WDR13: variants seen among roughly 807,000 people sequenced by gnomAD.
WDR13 encodes WD repeat domain 13.
A neutral mutation model predicts 28.6 loss-of-function variants in WDR13; 1 was observed. The ratio of observed to expected loss-of-function variants is 0.03; its 90% confidence interval spans 0.01 to 0.17. WDR13 has a LOEUF of 0.17. Among genes scored for constraint, WDR13 ranks in the 10% least tolerant of loss-of-function variants. The pLI is 1.00. For missense variants in WDR13, 264 were observed against 469.3 expected (o/e 0.56, Z 4.04); for synonymous variants, 201 against 185.9 (o/e 1.08, Z -0.66).
rs1303125290 is a variant in WDR13 at position 48,605,225 on chromosome X, G to A, written c.*193G>A. The A allele has an allele frequency of 1.5e-5, 7 of 463,357 alleles. No individual in the cohort carries two copies. In the East Asian group the frequency reaches 1.9e-4, roughly 12 times the overall value. The allele number at this position is 463,357 out of a possible 1,213,427, so 38.2% of individuals were successfully genotyped here. ...TGACTCATTTGTGCATTCATGCATCGACGGATTCATTCATTCCACAAGCAT... is the reference window on the plus strand; with the variant it reads ...TGACTCATTTGTGCATTCATGCATCAACGGATTCATTCATTCCACAAGCAT... On this transcript the variant is annotated 3_prime_UTR_variant, in exon 10 of 10. Transcript: ENST00000376729.
rs1394735976 is a variant in WDR13, at chrX:48,601,717, C to T, written c.832-67C>T. ...CAGCCAGTCGCATCAACAGCAGCCC[C>T]ACTGTGGTCAGACTCAAGGAGGGCC... On this transcript the variant is annotated intron_variant, in intron 6 of 9. Transcript: ENST00000376729. The T allele has an allele frequency of 4.7e-6, 5 of 1,061,716 alleles. No individual in the cohort carries two copies. In the East Asian group the frequency reaches 1.3e-4, roughly 27 times the overall value. The allele number at this position is 1,061,716 out of a possible 1,213,427, so 87.5% of individuals were successfully genotyped here. A position where few individuals can be genotyped will look rare whatever the true frequency, so the allele number is the denominator to read the frequency against.
At chrX:48,604,704 G>A in intron 9 of WDR13, 144 bp from the exon 10 acceptor site, 5 of 680,993 alleles carry the variant, frequency 7.3e-6, no homozygotes, top group Non-Finnish European at 8.6e-6. Flanking sequence ...CCCATCTAGG[G>A]ATGGGGCCCC....
rs782077281 is a variant in WDR13, at chrX:48,599,339, C to G, written c.283-14C>G. 3.4e-6 allele frequency: 4 copies of G among 1,167,709 alleles called. No homozygotes were observed. Among genetic ancestry groups the G allele is most frequent in the Non-Finnish European group, 3.4e-6 (3 of 871,265 alleles). On this transcript the variant is annotated splice_polypyrimidine_tract_variant and intron_variant, in intron 3 of 9. Coordinates refer to ENST00000376729, the MANE Select transcript of WDR13 (RefSeq NM_001347217.2). ...TTTGCAAGATGCACCCACCCTGACC[C>G]TCTCCATTTGCAGGACTTTGAGGAT...
rs1556996213 is a variant in WDR13, at chrX:48,607,382, G to GGC, written c.*2351_*2352insCG. 1.6e-4 allele frequency: 2 copies of GGC among 12,593 alleles called. No homozygotes were observed. The highest frequency in any genetic ancestry group is 1.3e-3 in the Admixed American group (1 of 764). 1.0% of individuals were successfully genotyped at this position (12,593 alleles called of 1,213,427 possible). A position where few individuals can be genotyped will look rare whatever the true frequency, so the allele number is the denominator to read the frequency against. ...GTTGTTGTTTTGGTTTTTTTTTGGC[G>GGC]GGGGGGGGGGGGTCTTGCTCTGACG... is the stretch of plus-strand genomic sequence containing the variant. On this transcript the variant is annotated 3_prime_UTR_variant, in exon 10 of 10. Transcript: ENST00000376729.
intron 8 of WDR13, among the ~76,000 whole-genome samples, chrX:48,604,038 CTG>C: frequency 9.0e-6 from 1 of 110,706 alleles, no homozygotes; most frequent in Middle Eastern, 4.7e-3. Context: ...ACTCGGGAGA[CTG>C]AGGCGGGAGG....
At position 48,605,146 on chromosome X, in the gene WDR13, G is replaced by A; in HGVS notation, c.*114G>A. 13 of 974,172 alleles carry A rather than the reference G, an allele frequency of 1.3e-5. No individual in the cohort carries two copies. The highest frequency in any genetic ancestry group is 9.3e-5 in the Admixed American group (3 of 32,296). The allele number at this position is 974,172 out of a possible 1,213,427, so 80.3% of individuals were successfully genotyped here. On this transcript the variant is annotated 3_prime_UTR_variant, in exon 10 of 10. Coordinates refer to ENST00000376729, the MANE Select transcript of WDR13 (RefSeq NM_001347217.2). ...GCCGGCTCCCAGCTCTGCCGGGGAC[G>A]GACAGGGCAGAGGGCAGCGGGCAGC...
intron 6 of WDR13, 101 bp from the exon 7 acceptor site, chrX:48,601,681 CTA>C: frequency 1.2e-6 from 1 of 862,796 alleles, no homozygotes; most frequent in Non-Finnish European, 1.6e-6. Flanking sequence ...TGAATAGACT[CTA>C]ATAGGGACCA....
At chrX:48,603,674 GCCTTTCCTA>G (rs1463267141) in intron 8 of WDR13, among the ~76,000 whole-genome samples, 1 of 110,231 alleles carries the variant, frequency 9.1e-6, no homozygotes, top group African/African-American at 3.3e-5. Context: ...AAAAGAAATG[GCCTTTCCTA>G]CATTTCGAGT....
chrX:48,603,467 G>T (rs2062200986), intron 8 of WDR13, among the ~76,000 whole-genome samples: 1 of 111,893 alleles, frequency 8.9e-6, no homozygotes, highest in African/African-American at 3.2e-5. Context: ...GGCCAACATG[G>T]TGAATCCCCG....
In WDR13 at chrX:48,598,885, C is replaced by T. The variant is rs1556993560; in HGVS notation, c.210C>T (p.Ser70=). ...QLLGQRYGPL[S]EPGSARAYSN... is the part of the protein sequence containing the mutation. ...TGGGCCAGCGCTACGGGCCCCTCTC[C>T]GAGCCAGGCAGTGCTCGTGCCTATA... The change falls in exon 3 of 10, where the codon TCC becomes TCT. Residue 70 remains serine (S), a synonymous_variant. Coordinates refer to ENST00000376729, the MANE Select transcript of WDR13 (RefSeq NM_001347217.2). The T allele has an allele frequency of 2.5e-6, 3 of 1,210,005 alleles. No individual in the cohort carries two copies. Among genetic ancestry groups the T allele is most frequent in the African/African-American group, 3.5e-5 (2 of 57,734 alleles).
chrX:48,597,569 T>G lies in WDR13; in HGVS notation c.-85T>G, dbSNP rs1457796593. 1 of 142,257 alleles carries G rather than the reference T, an allele frequency of 7.0e-6. No homozygotes were observed. The highest frequency in any genetic ancestry group is 3.2e-5 in the African/African-American group (1 of 31,549). 11.7% of individuals were successfully genotyped at this position (142,257 alleles called of 1,213,427 possible). On this transcript the variant is annotated 5_prime_UTR_variant, in exon 1 of 10. Coordinates refer to ENST00000376729, the MANE Select transcript of WDR13 (RefSeq NM_001347217.2). ...ACAGAAGGAACCGGCGACAGTGGTCTCAGGGCCGCTCCGGGGGGCCTCAAG... is the reference window on the plus strand; with the variant it reads ...ACAGAAGGAACCGGCGACAGTGGTCGCAGGGCCGCTCCGGGGGGCCTCAAG...
rs1265000805 is a variant in WDR13 at position 48,598,131 on chromosome X, C to T, written c.41+94C>T. On this transcript the variant is annotated intron_variant, in intron 2 of 9. Transcript: ENST00000376729. Reference sequence around the variant, plus strand: ...GGCTGGGCGGAGAACTTGCCTTATGCGGCTGCGTGGGCATGCCGGAGGTGA... The same window carrying T: ...GGCTGGGCGGAGAACTTGCCTTATGTGGCTGCGTGGGCATGCCGGAGGTGA... 1.1e-5 allele frequency: 13 copies of T among 1,145,919 alleles called. No individual in the cohort carries two copies. The East Asian group carries it at 2.1e-4, about 18-fold the overall frequency. 94.4% of individuals were successfully genotyped at this position (1,145,919 alleles called of 1,213,427 possible).
intron 1 of WDR13, 90 bp downstream of exon 1, chrX:48,597,704 G>A (rs2147219674): frequency 6.1e-6 from 2 of 326,622 alleles, no homozygotes; most frequent in South Asian, 1.5e-4. Flanking sequence ...GTCAAGCAAG[G>A]AATGCTAGGC....
chrX:48,601,956 T>C lies in WDR13; in HGVS notation c.1004T>C (p.Met335Thr). 5.0e-6 allele frequency: 6 copies of C among 1,190,023 alleles called. No individual in the cohort carries two copies. The highest frequency in any genetic ancestry group is 1.7e-5 in the African/African-American group (1 of 57,577). The change falls in exon 7 of 10, where the codon ATG (methionine) becomes ACG (threonine). Residue 335 changes from methionine to threonine, a missense_variant. By Grantham distance (81) the Met-to-Thr change is moderately conservative (BLOSUM62 -1). Transcript: ENST00000376729. ...RGSVFSFLFD[M>T]ATGKLTKAKR... ...AGTGTCTTCTCTTTCCTCTTTGATA[T>C]GGCCACAGGTAGGCAGACAGCAGGC...
Position 48,600,579 on chromosome X carries a change from G to C in WDR13, c.784G>C (p.Glu262Gln), listed in dbSNP as rs1556994146. 2.5e-6 allele frequency: 3 copies of C among 1,211,067 alleles called. No homozygotes were observed. Among genetic ancestry groups the C allele is most frequent in the Admixed American group, 2.2e-5 (1 of 45,999 alleles). Residue 262 changes from glutamate to glutamine, a missense_variant, in exon 6 of 10, where the codon GAA becomes CAA. Glu to Gln is a conservative substitution (Grantham distance 29). Around this residue, in one of 4 missense-constraint regions of WDR13, gnomAD observed 157 missense variants for 270.2 expected, o/e 0.58. Coordinates refer to ENST00000376729, the MANE Select transcript of WDR13 (RefSeq NM_001347217.2). ...AGAGATCCCTGACCCCGATAGCGCTGAACTGCTCTGCTGCACCTTCCAGCC... is the reference window on the plus strand; with the variant it reads ...AGAGATCCCTGACCCCGATAGCGCTCAACTGCTCTGCTGCACCTTCCAGCC... Reference protein sequence around the residue: ...IREIPDPDSAELLCCTFQPVN... With the variant: ...IREIPDPDSAQLLCCTFQPVN...
intron 2 of WDR13, 105 bp from the exon 3 acceptor site, chrX:48,598,612 C>CCGGG (rs1326642975): frequency 1.6e-5 from 18 of 1,103,565 alleles, no homozygotes; most frequent in African/African-American, 1.9e-5. Context: ...CACCTAGGCC[C>CCGGG]CAGTCACTGC....
intron 8 of WDR13, among the ~76,000 whole-genome samples, chrX:48,602,861 A>C (rs1211725463): frequency 9.0e-6 from 1 of 110,807 alleles, no homozygotes; most frequent in African/African-American, 3.3e-5. Context: ...TTTTTAATTT[A>C]AGCGTACCCT....
chrX:48,607,220 T>C lies in WDR13; in HGVS notation c.*2188T>C, dbSNP rs905002713. The C allele has an allele frequency of 9.0e-6, 1 of 111,038 alleles. No homozygotes were observed. The highest frequency in any genetic ancestry group is 1.9e-5 in the Non-Finnish European group (1 of 52,998). 9.2% of individuals were successfully genotyped at this position (111,038 alleles called of 1,213,427 possible). ...CTCCCAGAGAGACCCAGGCACAAGT[T>C]TCCAGGGCTTCTCTCTCATTGGAGT... On this transcript the variant is annotated 3_prime_UTR_variant, in exon 10 of 10. Coordinates refer to ENST00000376729, the MANE Select transcript of WDR13 (RefSeq NM_001347217.2).
chrX:48,598,615 G>A, intron 2 of WDR13, 102 bp from the exon 3 acceptor site: 1 of 1,105,195 alleles, frequency 9.0e-7, no homozygotes, highest in Non-Finnish European at 1.2e-6. Flanking sequence ...CTAGGCCCCA[G>A]TCACTGCCAC....
Sources: allele counts gnomAD v4.1 joint callset (sites outside exome capture counted in the v4.1 genomes callset), GRCh38; gene constraint gnomAD v4.1.1; regional missense constraint gnomAD v4.1.1; transcripts MANE v1.5; gene names NCBI Gene and HGNC (gene_info 2026-07-23, HGNC 2026-07-21).